The following SCRIB variants were observed in gnomAD, a reference collection of about 807,000 sequenced individuals.
SCRIB encodes protein scribble homolog.
SCRIB carries 72 observed loss-of-function variants against 170.0 expected under a neutral mutation model. The ratio of observed to expected loss-of-function variants is 0.42; its 90% CI spans 0.35 to 0.52. The LOEUF (loss-of-function observed/expected upper bound fraction) is 0.52. Among genes scored for constraint, SCRIB ranks in the 20% least tolerant of loss-of-function variants. The pLI, the probability that SCRIB is intolerant of heterozygous loss-of-function variation, is 0.02. For missense variants in SCRIB, 2,475 were observed against 2,338.5 expected (o/e 1.06, Z -1.20); for synonymous variants, 1,298 against 1,044.3 (o/e 1.24, Z -4.68).
At chr8:143,802,843 G>A (rs1815230945) in intron 24 of SCRIB, among the ~76,000 whole-genome samples, 1 of 152,360 alleles carries the variant, frequency 6.6e-6, no homozygotes, top group East Asian at 1.9e-4. Context: ...TCCAGGAAGG[G>A]ACGGACCAGC....
Position 143,793,837 on chromosome 8 carries a change from C to A in SCRIB, c.3909+63G>T. On this transcript the variant is annotated intron_variant, in intron 28 of 36. Coordinates refer to ENST00000356994, the MANE Select transcript of SCRIB (RefSeq NM_182706.5). ...ATCCCTGGAGGAGGGGCCCTGTGCA[C>A]AGCGGCCATCTGCCCTGCCCTCCAC... is the stretch of plus-strand genomic sequence containing the variant. The A allele has an allele frequency of 2.6e-6, 4 of 1,536,378 alleles. No homozygotes were observed. The South Asian group carries it at 3.4e-5, about 13-fold the overall frequency.
intron 1 of SCRIB, among the ~76,000 whole-genome samples, chr8:143,814,612 G>A (rs532314206): frequency 6.6e-6 from 1 of 152,322 alleles, no homozygotes; most frequent in African/African-American, 2.4e-5. Flanking sequence ...CACTGCCACG[G>A]CCAGAACAGG....
chr8:143,800,702 C>T (rs1037438018), intron 24 of SCRIB, among the ~76,000 whole-genome samples: 1 of 152,252 alleles, frequency 6.6e-6, no homozygotes, highest in East Asian at 1.9e-4. Context: ...TGACAAAACC[C>T]CGTTTCTACA....
intron 13 of SCRIB, 103 bp downstream of exon 13, chr8:143,810,376 T>C (rs1815651015): frequency 6.7e-7 from 1 of 1,491,770 alleles, no homozygotes; most frequent in Non-Finnish European, 9.1e-7. Flanking sequence ...TCCTGCTCCT[T>C]CTCTGTGCTG....
At chr8:143,803,270 G>A (rs905185625) in intron 24 of SCRIB, 113 bp downstream of exon 24, 51 of 1,054,954 alleles carry the variant, frequency 4.8e-5, no homozygotes, top group African/African-American at 3.5e-4. Flanking sequence ...GCAGAGCACC[G>A]CCCAGACCCA....
chr8:143,802,291 G>A (rs1204149609), intron 24 of SCRIB, among the ~76,000 whole-genome samples: 2 of 152,218 alleles, frequency 1.3e-5, no homozygotes, highest in African/African-American at 2.4e-5. Context: ...CCCGCCAAGG[G>A]GCCCCCACGC....
intron 16 of SCRIB, 80 bp from the exon 17 acceptor site, chr8:143,807,093 G>T: frequency 9.9e-7 from 1 of 1,008,094 alleles, no homozygotes; most frequent in Non-Finnish European, 1.5e-6. Flanking sequence ...CCACCAGCAC[G>T]CAGATGCCAT....
intron 31 of SCRIB, 28 bp downstream of exon 31, chr8:143,792,457 A>C: frequency 6.7e-7 from 1 of 1,503,086 alleles, no homozygotes; most frequent in Non-Finnish European, 8.9e-7. Flanking sequence ...TGGGGTGAGT[A>C]GGGGGCGTCT....
intron 1 of SCRIB, 47 bp downstream of exon 1, chr8:143,815,167 C>T: frequency 6.7e-7 from 1 of 1,489,312 alleles, no homozygotes; most frequent in South Asian, 1.3e-5. Context: ...GGAGGAATCA[C>T]GGGCTGGGGG....
chr8:143,808,435 C>T (rs1815533315), intron 15 of SCRIB, among the ~76,000 whole-genome samples, 174 bp downstream of exon 15: 1 of 152,140 alleles, frequency 6.6e-6, no homozygotes, highest in South Asian at 2.1e-4. Flanking sequence ...CCAGGGCAGG[C>T]CTGGGGTCTG....
chr8:143,810,766 GCGGGGCAT>G lies in SCRIB; in HGVS notation c.1316_1323del (p.Asp439AlafsTer16). 3 of 1,605,956 alleles carry G rather than the reference GCGGGGCAT, an allele frequency of 1.9e-6. No individual in the cohort carries two copies. The highest frequency in any genetic ancestry group is 2.5e-6 in the Non-Finnish European group (3 of 1,178,182). On this transcript the variant is annotated frameshift_variant, in exon 12 of 37. Transcript: ENST00000356994. LOFTEE classifies it high-confidence loss of function. ...AACTGGATGACGCTGACGCGGCTCG[GCGGGGCAT>G]CGCTCCAGGTCTCCGAGAGGCTCCC...
chr8:143,815,023 T>A, intron 1 of SCRIB, 191 bp downstream of exon 1: 1 of 612,240 alleles, frequency 1.6e-6, no homozygotes, highest in South Asian at 2.5e-5. Flanking sequence ...AAGCACCTGA[T>A]GACCGCTGCC....
intron 1 of SCRIB, 91 bp downstream of exon 1, chr8:143,815,123 G>A (rs1255744308): frequency 3.7e-6 from 5 of 1,365,382 alleles, no homozygotes; most frequent in African/African-American, 1.5e-5. Flanking sequence ...CCGGCTGGAG[G>A]CTGCGGTGAC....
chr8:143,798,668 A>G (rs1554634487), intron 24 of SCRIB, among the ~76,000 whole-genome samples: 2 of 152,198 alleles, frequency 1.3e-5, no homozygotes, highest in African/African-American at 4.8e-5. Flanking sequence ...AAGTTAGTAA[A>G]AACCCTACAA....
rs560504912 is a variant in SCRIB, at chr8:143,814,564, G to A, written c.160-446C>T. Reference sequence around the variant, plus strand: ...CACAGTACCACAGGCACAGTGCTACGCGCGAGGCCTGCAGGTGGCCACAGA... The same window carrying A: ...CACAGTACCACAGGCACAGTGCTACACGCGAGGCCTGCAGGTGGCCACAGA... On this transcript the variant is annotated intron_variant, in intron 1 of 36. Transcript: ENST00000356994. Among the ~76,000 whole-genome samples the A allele has an allele frequency of 3.4e-4, 52 of 152,242 alleles. 1 individual carries two copies. Among genetic ancestry groups the A allele is most frequent in the African/African-American group, 1.1e-3 (47 of 41,536 alleles).
chr8:143,793,945 A>C lies in SCRIB; in HGVS notation c.3864T>G (p.Ala1288=), dbSNP rs574162926. The C allele has an allele frequency of 6.2e-7, 1 of 1,613,450 alleles. No individual in the cohort carries two copies. The highest frequency in any genetic ancestry group is 1.1e-5 in the South Asian group (1 of 91,058). ...AGGGAGATTCAGCCATCTTCCCTCC[A>C]GCTGCTCCAGACGGTACCTGGAGGA... ...GSVQRVPSGA[A]GGKMAESPCS... Residue 1288 remains alanine, a synonymous_variant, in exon 28 of 37, where the codon GCT becomes GCG. Coordinates refer to ENST00000356994, the MANE Select transcript of SCRIB (RefSeq NM_182706.5).
At chr8:143,807,274 T>A (rs1375681481) in intron 16 of SCRIB, among the ~76,000 whole-genome samples, 1 of 151,390 alleles carries the variant, frequency 6.6e-6, no homozygotes, top group Admixed American at 6.6e-5. Context: ...GAGGCCCCCC[T>A]GCCACCCTCG....
Position 143,808,870 on chromosome 8 carries a change from C to T in SCRIB, c.1854G>A (p.Lys618=), listed in dbSNP as rs1815564942. 6.2e-7 allele frequency: 1 copy of T among 1,609,788 alleles called. No homozygotes were observed. Among genetic ancestry groups the T allele is most frequent in the Admixed American group, 1.7e-5 (1 of 60,002 alleles). The change falls in exon 15 of 37, where the codon AAG becomes AAA. Residue 618 remains lysine, a synonymous_variant. Coordinates refer to ENST00000356994, the MANE Select transcript of SCRIB (RefSeq NM_182706.5). ...CCACAACGGCCTCGGGCTGGGGCAG[C>T]TTGGAGATCTTGAAGTGCTTTTTGT... ...PHYKKHFKIS[K]LPQPEAVVAL... is the part of the protein sequence containing the mutation.
rs782119457 is a variant in SCRIB, at chr8:143,804,052, G to A, written c.3114C>T (p.Ile1038=). The A allele has an allele frequency of 3.1e-6, 5 of 1,608,426 alleles. No individual in the cohort carries two copies. Among genetic ancestry groups the A allele is most frequent in the Middle Eastern group, 1.7e-4 (1 of 6,054 alleles). Residue 1038 remains isoleucine, a synonymous_variant, in exon 22 of 37, where the codon ATC becomes ATT. Transcript: ENST00000356994. ...PFGVQEPGVF[I]SKVLPRGLAA... ...CCTGGATGGGCCGCCCTACCTTGGA[G>A]ATGAACACACCAGGCTCCTGGACAC...
Sources: gnomAD v4.1 joint callset for allele counts (sites outside exome capture counted in the v4.1 genomes callset) on GRCh38, gnomAD v4.1.1 for gene constraint, MANE v1.5 for transcripts, NCBI Gene and HGNC (gene_info 2026-07-23, HGNC 2026-07-21) for gene names.